Variants in GRIK2 observed in about 807,000 individuals in gnomAD.
GRIK2 encodes glutamate ionotropic receptor kainate type subunit 2, also known as glutamate receptor ionotropic, kainate 2.
A neutral mutation model predicts 100.3 loss-of-function variants in GRIK2; 32 were observed. The observed-to-expected ratio is 0.32, with a 90% CI of 0.24 to 0.43. The LOEUF (loss-of-function observed/expected upper bound fraction) is 0.43. Among genes scored for constraint, GRIK2 ranks in the 20% least tolerant of loss-of-function variants. The pLI is 1.00. For synonymous variants in GRIK2, 417 were observed against 389.4 expected (o/e 1.07, Z -0.83); for missense variants, 843 against 1,114.9 (o/e 0.76, Z 3.47).
chr6:101,404,982 TA>T (rs1189532386), intron 2 of GRIK2, among the ~76,000 whole-genome samples: 1 of 152,162 alleles, frequency 6.6e-6, no homozygotes, highest in African/African-American at 2.4e-5. Flanking sequence ...GTAAGGTAAT[TA>T]AATTGGCTGA....
intron 14 of GRIK2, among the ~76,000 whole-genome samples, chr6:101,967,118 A>G (rs1291986217): frequency 1.3e-5 from 2 of 151,808 alleles, no homozygotes; most frequent in Non-Finnish European, 2.9e-5. Context: ...TATAATATTA[A>G]ACATTTTTAT....
rs376960454 is a variant in GRIK2 at position 101,836,949 on chromosome 6, C to T, written c.1317+18466C>T. 2.8e-4 allele frequency among the ~76,000 whole-genome samples: 42 copies of T among 152,096 alleles called. 2 individuals carry two copies. In the South Asian group the frequency reaches 8.5e-3, roughly 31 times the overall value. On this transcript the variant is annotated intron_variant, in intron 10 of 16. Coordinates refer to ENST00000369134, the MANE Select transcript of GRIK2 (RefSeq NM_021956.5). ...AAAGTGCCAGGATTACAGGTGTGAG[C>T]CACCATGCCTGGCCTGTTGCATTAT...
At chr6:101,418,537 T>A (rs1328008186) in intron 2 of GRIK2, among the ~76,000 whole-genome samples, 1 of 152,178 alleles carries the variant, frequency 6.6e-6, no homozygotes, top group Non-Finnish European at 1.5e-5. Flanking sequence ...TGTTTCTTCA[T>A]TTTCCTTTTT....
chr6:101,512,445 C>G (rs1296221698), intron 2 of GRIK2, among the ~76,000 whole-genome samples: 1 of 151,914 alleles, frequency 6.6e-6, no homozygotes, highest in East Asian at 1.9e-4. Flanking sequence ...ATATATAGAT[C>G]TAAGTGGAAA....
chr6:101,439,633 C>A (rs990866994), intron 2 of GRIK2, among the ~76,000 whole-genome samples: 3 of 152,030 alleles, frequency 2.0e-5, no homozygotes, highest in Admixed American at 2.0e-4. Context: ...TTTCAATTTC[C>A]TTAATGAAAG....
chr6:102,053,875 A>G (rs1486973440), intron 15 of GRIK2, among the ~76,000 whole-genome samples: 1 of 152,178 alleles, frequency 6.6e-6, no homozygotes, highest in Non-Finnish European at 1.5e-5. Context: ...TGATCAAGAC[A>G]GAAAGTAGTA....
intron 2 of GRIK2, among the ~76,000 whole-genome samples, chr6:101,429,331 C>T (rs916399570): frequency 2.0e-5 from 3 of 152,136 alleles, no homozygotes; most frequent in African/African-American, 4.8e-5. Flanking sequence ...CCTTGTTGCT[C>T]GTAATGTTTC....
intron 7 of GRIK2, among the ~76,000 whole-genome samples, chr6:101,717,599 G>T (rs1052309019): frequency 6.6e-6 from 1 of 151,896 alleles, no homozygotes; most frequent in Non-Finnish European, 1.5e-5. Flanking sequence ...GGAATTAGGG[G>T]CAAGACATGT....
intron 11 of GRIK2, among the ~76,000 whole-genome samples, chr6:101,862,846 T>C (rs1784805126): frequency 6.6e-6 from 1 of 152,206 alleles, no homozygotes; most frequent in African/African-American, 2.4e-5. Flanking sequence ...TTGTTTTTCC[T>C]TTATGTACTA....
At chr6:101,912,711 C>T (rs558167107) in intron 12 of GRIK2, among the ~76,000 whole-genome samples, 25 of 151,608 alleles carry the variant, frequency 1.6e-4, no homozygotes, top group Middle Eastern at 3.4e-3. Context: ...ATACCTTGTT[C>T]CCACTTTTTC....
At chr6:101,667,670 A>G (rs1214619675) in intron 4 of GRIK2, among the ~76,000 whole-genome samples, 1 of 152,160 alleles carries the variant, frequency 6.6e-6, no homozygotes, top group Admixed American at 6.5e-5. Flanking sequence ...AGTGCCTAGA[A>G]TGTATCATCT....
intron 2 of GRIK2, among the ~76,000 whole-genome samples, chr6:101,588,951 G>T (rs1217081969): frequency 6.6e-6 from 1 of 152,086 alleles, no homozygotes; most frequent in Non-Finnish European, 1.5e-5. Flanking sequence ...ATGTAAGGTG[G>T]TAGCAGTGGG....
At chr6:101,528,473 G>A (rs1453325381) in intron 2 of GRIK2, among the ~76,000 whole-genome samples, 1 of 151,456 alleles carries the variant, frequency 6.6e-6, no homozygotes, top group South Asian at 2.1e-4. Context: ...ATTTTTTTTT[G>A]TTCAGACTTT....
intron 2 of GRIK2, among the ~76,000 whole-genome samples, chr6:101,468,894 G>A (rs958697767): frequency 3.3e-5 from 5 of 152,026 alleles, no homozygotes; most frequent in East Asian, 1.9e-4. Context: ...CCCACTTGTC[G>A]TACCAACACA....
rs118026709 is a variant in GRIK2 at position 101,551,163 on chromosome 6, G to T, written c.116-70786G>T. Reference sequence around the variant, plus strand: ...AGCTTTTTTAGAAACCAGTCAGAATGAAATTTGCAAGAATATCAGATTTTT... The same window carrying T: ...AGCTTTTTTAGAAACCAGTCAGAATTAAATTTGCAAGAATATCAGATTTTT... On this transcript the variant is annotated intron_variant, in intron 2 of 16. Transcript: ENST00000369134. Among the ~76,000 whole-genome samples the T allele has an allele frequency of 4.6e-5, 7 of 152,246 alleles. No homozygotes were observed. In the East Asian group the frequency reaches 1.4e-3, roughly 29 times the overall value.
intron 7 of GRIK2, among the ~76,000 whole-genome samples, chr6:101,694,446 A>G (rs1037081748): frequency 1.3e-5 from 2 of 152,144 alleles, no homozygotes; most frequent in East Asian, 3.8e-4. Flanking sequence ...TAATTAAAAG[A>G]TAATTATAAA....
chr6:101,935,752 GA>G (rs991965333), intron 14 of GRIK2, among the ~76,000 whole-genome samples: 2 of 151,678 alleles, frequency 1.3e-5, no homozygotes, highest in African/African-American at 4.8e-5. Flanking sequence ...TCCTTGTTGT[GA>G]AAAAAAGCGC....
chr6:101,895,098 A>G (rs2128459351), intron 12 of GRIK2, among the ~76,000 whole-genome samples: 1 of 151,958 alleles, frequency 6.6e-6, no homozygotes, highest in Non-Finnish European at 1.5e-5. Context: ...GGCTATTTAA[A>G]TGAACAAATG....
chr6:101,872,483 G>A (rs1168473246), intron 11 of GRIK2, among the ~76,000 whole-genome samples: 3 of 151,844 alleles, frequency 2.0e-5, no homozygotes, highest in Non-Finnish European at 4.4e-5. Flanking sequence ...AGAATAGCAT[G>A]AGGGTAACCA....
Sources: allele counts gnomAD v4.1 joint callset (sites outside exome capture counted in the v4.1 genomes callset), GRCh38; gene constraint gnomAD v4.1.1; transcripts MANE v1.5; gene names NCBI Gene and HGNC (gene_info 2026-07-23, HGNC 2026-07-21).